Variants in AQP6 observed in about 807,000 individuals in gnomAD.
AQP6 encodes the protein aquaporin 6.
AQP6 carries 14 observed loss-of-function variants against 16.3 expected under a neutral mutation model. The observed-to-expected ratio is 0.86, with a 90% CI of 0.57 to 1.34. The LOEUF (loss-of-function observed/expected upper bound fraction) is 1.34. Ranked by LOEUF, AQP6 falls within the 40% of genes most tolerant of loss-of-function variation. The pLI is 0.00. For missense variants in AQP6, 331 were observed against 379.7 expected (o/e 0.87, Z 1.07); for synonymous variants, 178 against 166.8 (o/e 1.07, Z -0.52).
At position 49,973,617 on chromosome 12, in the gene AQP6, A is replaced by G. The variant is rs140587753; in HGVS notation, c.402+42A>G. ...GCACCTGGAGGGCCAGGAGGCGGGA[A>G]TGCGCACAAGTGGTGAAGGTGGAGG... On this transcript the variant is annotated intron_variant, in intron 1 of 3. Coordinates refer to ENST00000315520, the MANE Select transcript of AQP6 (RefSeq NM_001652.4). 3.1e-5 allele frequency: 48 copies of G among 1,538,456 alleles called. No individual in the cohort carries two copies. In the African/African-American group the frequency reaches 3.5e-4, roughly 11 times the overall value.
Position 49,975,241 on chromosome 12 carries a change from A to AG in AQP6, c.643-223dup. Reference sequence around the variant, plus strand: ...GGCCCCAGGCCCCAGCCACGGCTGCAGAGCCTGGGCTCAGCCCCAGGGAGG... The same window carrying AG: ...GGCCCCAGGCCCCAGCCACGGCTGCAGGAGCCTGGGCTCAGCCCCAGGGAGG... On this transcript the variant is annotated intron_variant, in intron 3 of 3. Transcript: ENST00000315520. This position sits in a 1 kb window ranked among gnomAD's most constrained non-coding sequence, Gnocchi z 4.4. 4.5e-6 allele frequency: 6 copies of AG among 1,335,052 alleles called. No individual in the cohort carries two copies. Among genetic ancestry groups the AG allele is most frequent in the Non-Finnish European group, 5.7e-6 (6 of 1,048,354 alleles). The allele number at this position is 1,335,052 out of a possible 1,614,324, so 82.7% of individuals were successfully genotyped here. A position where few individuals can be genotyped will look rare whatever the true frequency, so the allele number is the denominator to read the frequency against.
rs1468777152 is a variant in AQP6, at chr12:49,973,346, T to C, written c.173T>C (p.Ile58Thr). 1.2e-6 allele frequency: 2 copies of C among 1,613,488 alleles called. No individual in the cohort carries two copies. The highest frequency in any genetic ancestry group is 2.7e-5 in the African/African-American group (2 of 74,948). Residue 58 changes from isoleucine to threonine, a missense_variant, in exon 1 of 4, where the codon ATT (isoleucine) becomes ACT (threonine). Transcript: ENST00000315520. ...ACAGCACTTCCCTCCGTGCTACAGATTGCCATCACCTTCAACCTGGTCACC... is the reference window on the plus strand; with the variant it reads ...ACAGCACTTCCCTCCGTGCTACAGACTGCCATCACCTTCAACCTGGTCACC... ...WPTALPSVLQ[I>T]AITFNLVTAM...
At position 49,976,643 on chromosome 12, in the gene AQP6, T is replaced by G; in HGVS notation, c.*972T>G. On this transcript the variant is annotated 3_prime_UTR_variant, in exon 4 of 4. Transcript: ENST00000315520. ...ACATTTTCTCAGGCTCGTAGAGAGG[T>G]GGGATAGAGGAAGGGAGGTTTGAGC... is the stretch of plus-strand genomic sequence containing the variant. 3.3e-6 allele frequency: 1 copy of G among 306,306 alleles called. No homozygotes were observed. The highest frequency in any genetic ancestry group is 6.0e-6 in the Non-Finnish European group (1 of 166,382). The allele number at this position is 306,306 out of a possible 1,614,324, so 19.0% of individuals were successfully genotyped here. A position where few individuals can be genotyped will look rare whatever the true frequency, so the allele number is the denominator to read the frequency against.
intron 1 of AQP6, 46 bp downstream of exon 1, chr12:49,973,621 G>A (rs749503587): frequency 1.3e-5 from 20 of 1,528,724 alleles, no homozygotes; most frequent in South Asian, 2.4e-5. Context: ...GCGGGAATGC[G>A]CACAAGTGGT....
At chr12:49,973,971 C>T (rs544760121) in intron 1 of AQP6, 7 of 1,155,646 alleles carry the variant, frequency 6.1e-6, no homozygotes, top group East Asian at 8.7e-5. Context: ...CCCTCCACCT[C>T]GAGGCCTGCC....
In AQP6 at chr12:49,974,408, A is replaced by ACCGACAG. The variant is rs1490981618; in HGVS notation, c.491_497dup (p.Thr168ProfsTer149). 5 of 1,613,554 alleles carry ACCGACAG rather than the reference A, an allele frequency of 3.1e-6. No homozygotes were observed. Among genetic ancestry groups the ACCGACAG allele is most frequent in the Non-Finnish European group, 3.4e-6 (4 of 1,179,732 alleles). On this transcript the variant is annotated frameshift_variant, in exon 2 of 4. Transcript: ENST00000315520. LOFTEE classifies it high-confidence loss of function. Reference sequence around the variant, plus strand: ...GCTGGTGCTCTGTGTCTTCGCTTCCACCGACAGCCGTCAGACATCAGGCTC... The same window carrying ACCGACAG: ...GCTGGTGCTCTGTGTCTTCGCTTCCACCGACAGCCGACAGCCGTCAGACATCAGGCTC...
Position 49,975,128 on chromosome 12 carries a change from A to G in AQP6, c.642+302A>G. 1 of 1,290,338 alleles carries G rather than the reference A, an allele frequency of 7.7e-7. No individual in the cohort carries two copies. The allele number at this position is 1,290,338 out of a possible 1,614,324, so 79.9% of individuals were successfully genotyped here. A position where few individuals can be genotyped will look rare whatever the true frequency, so the allele number is the denominator to read the frequency against. On this transcript the variant is annotated intron_variant, in intron 3 of 3. Transcript: ENST00000315520. This position sits in a 1 kb window ranked among gnomAD's most constrained non-coding sequence, Gnocchi z 4.4. ...AAGACAAACAGAAATAGACACACACACCAGCAGAGACAGAAACAGCAATAG... is the reference window on the plus strand; with the variant it reads ...AAGACAAACAGAAATAGACACACACGCCAGCAGAGACAGAAACAGCAATAG...
In AQP6 at chr12:49,973,449, C is replaced by T; in HGVS notation, c.276C>T (p.Gly92=). ...CCGTGACGCTGGCCTTCCTCGTAGG[C>T]TCCCACATCTCTCTGCCCCGTGCTG... ...NPAVTLAFLV[G]SHISLPRAVA... The change falls in exon 1 of 4, where the codon GGC becomes GGT. Residue 92 remains glycine (G), a synonymous_variant. Transcript: ENST00000315520. 1 of 1,613,696 alleles carries T rather than the reference C, an allele frequency of 6.2e-7. No homozygotes were observed. Among genetic ancestry groups the T allele is most frequent in the Non-Finnish European group, 8.5e-7 (1 of 1,180,042 alleles).
Position 49,976,812 on chromosome 12 carries a change from C to T in AQP6, c.*1141C>T. ...ATGACCTGGGTCAAAGAAGCCGTCT[C>T]CAGGCTCTCTGTCAGCATTACAGGA... On this transcript the variant is annotated 3_prime_UTR_variant, in exon 4 of 4. Transcript: ENST00000315520. The T allele has an allele frequency of 1.7e-6, 1 of 590,586 alleles. No individual in the cohort carries two copies. Among genetic ancestry groups the T allele is most frequent in the Non-Finnish European group, 3.0e-6 (1 of 334,112 alleles). 36.6% of individuals were successfully genotyped at this position (590,586 alleles called of 1,614,324 possible).
rs774592740 is a variant in AQP6, at chr12:49,974,348, C to T, written c.427C>T (p.Gln143Ter). 1.9e-6 allele frequency: 3 copies of T among 1,596,298 alleles called. No homozygotes were observed. In the East Asian group the frequency reaches 6.7e-5, roughly 36 times the overall value. The part of the protein sequence containing the change: ...NVVRNSVSTG[Q>*]AVAVELLLTL... ...GGTCCGGAACAGTGTCTCAACTGGC[C>T]AGGCGGTGGCAGTGGAGCTGCTTCT... The change falls in exon 2 of 4, where the codon CAG becomes TAG. Residue 143 changes from glutamine (Q) to a stop codon, truncating the protein, a stop_gained. Transcript: ENST00000315520. LOFTEE classifies it high-confidence loss of function.
chr12:49,976,841 C>T lies in AQP6; in HGVS notation c.*1170C>T. 1.6e-6 allele frequency: 1 copy of T among 620,386 alleles called. No homozygotes were observed. Among genetic ancestry groups the T allele is most frequent in the Non-Finnish European group, 2.9e-6 (1 of 348,434 alleles). 38.4% of individuals were successfully genotyped at this position (620,386 alleles called of 1,614,324 possible). A position where few individuals can be genotyped will look rare whatever the true frequency, so the allele number is the denominator to read the frequency against. On this transcript the variant is annotated 3_prime_UTR_variant, in exon 4 of 4. Coordinates refer to ENST00000315520, the MANE Select transcript of AQP6 (RefSeq NM_001652.4). ...GCTCTCTGTCAGCATTACAGGATCC[C>T]CAGAAAGCTGTTGAATAAGCCCTAA... is the stretch of plus-strand genomic sequence containing the variant.
chr12:49,973,195 G>A lies in AQP6; in HGVS notation c.22G>A (p.Gly8Arg), dbSNP rs142918049. 6.2e-7 allele frequency: 1 copy of A among 1,609,846 alleles called. No individual in the cohort carries two copies. The highest frequency in any genetic ancestry group is 1.3e-5 in the African/African-American group (1 of 75,048). ...GGACATGGATGCAGTGGAGCCAGGG[G>A]GACGTGGCTGGGCCAGCATGTTGGC... Reference protein sequence around the residue: MDAVEPGGRGWASMLACR... With the variant: MDAVEPGRRGWASMLACR... Residue 8 changes from glycine (G) to arginine (R), a missense_variant, in exon 1 of 4, where the codon GGA becomes AGA. By Grantham distance (125) the Gly-to-Arg change is moderately radical. Coordinates refer to ENST00000315520, the MANE Select transcript of AQP6 (RefSeq NM_001652.4).
In AQP6 at chr12:49,976,678, C is replaced by T. The variant is rs906516223; in HGVS notation, c.*1007C>T. 2 of 398,550 alleles carry T rather than the reference C, an allele frequency of 5.0e-6. No homozygotes were observed. Among genetic ancestry groups the T allele is most frequent in the Admixed American group, 8.4e-5 (2 of 23,910 alleles). The allele number at this position is 398,550 out of a possible 1,614,324, so 24.7% of individuals were successfully genotyped here. On this transcript the variant is annotated 3_prime_UTR_variant, in exon 4 of 4. Transcript: ENST00000315520. ...GAAGGGAGGTTTGAGCCAGACAGGC[C>T]TTTCCCAGGGAAGCCTCCTCCCAGG...
Position 49,974,813 on chromosome 12 carries a change from TCA to T in AQP6, c.632_633del (p.Thr211SerfsTer103), listed in dbSNP as rs888313320. The T allele has an allele frequency of 1.8e-5, 29 of 1,614,100 alleles. No individual in the cohort carries two copies. Among genetic ancestry groups the T allele is most frequent in the Non-Finnish European group, 2.5e-5 (29 of 1,180,036 alleles). ...GGCCCTGCCATCATCATTGGGAAGT[TCA>T]CAGTCCACTGGGTGAGCCCCTCTGC... On this transcript the variant is annotated frameshift_variant, in exon 3 of 4. Coordinates refer to ENST00000315520, the MANE Select transcript of AQP6 (RefSeq NM_001652.4). LOFTEE classifies it low-confidence loss of function (END_TRUNC).
Position 49,975,904 on chromosome 12 carries a change from G to C in AQP6, c.*233G>C, listed in dbSNP as rs140523214. The C allele has an allele frequency of 4.4e-6, 2 of 455,960 alleles. No individual in the cohort carries two copies. Among genetic ancestry groups the C allele is most frequent in the African/African-American group, 2.0e-5 (1 of 49,496 alleles). 28.2% of individuals were successfully genotyped at this position (455,960 alleles called of 1,614,324 possible). The stretch of plus-strand genomic sequence containing the variant: ...TCTCGGTGGGACAGAGCAGAGGAAG[G>C]CAGGGGATTTAGGATCGCCCTCCCA... On this transcript the variant is annotated 3_prime_UTR_variant, in exon 4 of 4. Transcript: ENST00000315520. The surrounding 1 kb of genome is among the most constrained non-coding windows in gnomAD (Gnocchi z 4.4).
chr12:49,974,030 C>G, intron 1 of AQP6: 2 of 1,198,602 alleles, frequency 1.7e-6, no homozygotes, highest in Non-Finnish European at 2.1e-6. Context: ...CACCTTCTTC[C>G]CCCAAATCTC....
intron 1 of AQP6, 81 bp downstream of exon 1, chr12:49,973,656 G>A (rs1032827704): frequency 2.3e-5 from 33 of 1,464,418 alleles, no homozygotes; most frequent in Admixed American, 1.4e-4. Context: ...GGACGGAGGC[G>A]AGGGAGCAAA....
chr12:49,974,908 T>C, intron 3 of AQP6, 82 bp downstream of exon 3: 1 of 1,572,394 alleles, frequency 6.4e-7, no homozygotes, highest in Non-Finnish European at 8.7e-7. Context: ...GCAGCTTCCC[T>C]AAGCTCAGAA....
In AQP6 at chr12:49,975,681, C is replaced by T. The variant is rs376003858; in HGVS notation, c.*10C>T. 81 of 1,517,862 alleles carry T rather than the reference C, an allele frequency of 5.3e-5. No individual in the cohort carries two copies. In the East Asian group the frequency reaches 6.1e-4, roughly 11 times the overall value. 94.0% of individuals were successfully genotyped at this position (1,517,862 alleles called of 1,614,324 possible). A position where few individuals can be genotyped will look rare whatever the true frequency, so the allele number is the denominator to read the frequency against. Reference sequence around the variant, plus strand: ...GATGGAGAGTGTGTGAAACAGCCTACGCCTGGCCGCGCCCTTGGGCTTCCT... The same window carrying T: ...GATGGAGAGTGTGTGAAACAGCCTATGCCTGGCCGCGCCCTTGGGCTTCCT... On this transcript the variant is annotated 3_prime_UTR_variant, in exon 4 of 4. Transcript: ENST00000315520. The surrounding 1 kb of genome is among the most constrained non-coding windows in gnomAD (Gnocchi z 4.4).
Sources: allele counts gnomAD v4.1 joint callset, GRCh38; gene constraint gnomAD v4.1.1; non-coding constraint Gnocchi (gnomAD v3.1); transcripts MANE v1.5; gene names NCBI Gene and HGNC (gene_info 2026-07-23, HGNC 2026-07-21).